Variants in CCDC30 observed in about 807,000 individuals in gnomAD.
The protein encoded by CCDC30 is coiled-coil domain containing 30, also known as coiled-coil domain-containing protein 30.
A neutral mutation model predicts 100.2 loss-of-function variants in CCDC30; 70 were observed. The observed-to-expected ratio is 0.70, with a 90% CI of 0.58 to 0.85. CCDC30 has a LOEUF of 0.85. CCDC30 is among the 40% of genes least tolerant of loss of function. CCDC30 has a pLI of 0.00. For synonymous variants in CCDC30, 233 were observed against 269.5 expected, an observed-to-expected ratio of 0.86 and a Z score of 1.33; for missense variants, 652 against 771.2, an observed-to-expected ratio of 0.85 and a Z score of 1.83.
At chr1:42,479,216 A>G (rs1643919124) in intron 1 of CCDC30, among the ~76,000 whole-genome samples, 2 of 152,158 alleles carry the variant, frequency 1.3e-5, no homozygotes, top group Admixed American at 6.5e-5. Context: ...TCTCTACTAA[A>G]AGTACAAAAA....
At chr1:42,475,862 G>A (rs1236940667) in intron 1 of CCDC30, among the ~76,000 whole-genome samples, 1 of 151,530 alleles carries the variant, frequency 6.6e-6, no homozygotes, top group African/African-American at 2.4e-5. Context: ...TTTAGGGGAG[G>A]CAAAACTTTA....
intron 11 of CCDC30, among the ~76,000 whole-genome samples, chr1:42,622,480 T>A (rs953843932): frequency 1.3e-5 from 2 of 152,220 alleles, no homozygotes; most frequent in African/African-American, 4.8e-5. Context: ...AAATATATGA[T>A]AGCTCAATGT....
intron 3 of CCDC30, 154 bp downstream of exon 3, chr1:42,482,970 A>G (rs190990853): frequency 2.0e-4 from 106 of 535,374 alleles, no homozygotes; most frequent in African/African-American, 1.8e-3. Context: ...CTACCATGCT[A>G]GGAATTTTTG....
chr1:42,524,304 TG>T lies in CCDC30; in HGVS notation c.456+25390del, dbSNP rs1451818049. On this transcript the variant is annotated intron_variant, in intron 6 of 16. Coordinates refer to ENST00000668663, the Ensembl canonical transcript of CCDC30. ...CCTGATGTATAAGCTTAAGGTCTTC[TG>T]GAGTCTTTTCTGAGTGTGTGCCTTT... 5.9e-5 allele frequency among the ~76,000 whole-genome samples: 9 copies of T among 152,330 alleles called. 1 individual carries two copies. The South Asian group carries it at 1.9e-3, about 32-fold the overall frequency.
chr1:42,565,298 GGTTA>G (rs1285551523), intron 6 of CCDC30, among the ~76,000 whole-genome samples: 12 of 152,002 alleles, frequency 7.9e-5, no homozygotes, highest in Non-Finnish European at 1.6e-4. Context: ...TCTGATAAGG[GGTTA>G]ATACCCAAAA....
rs6699792 is a variant in CCDC30 at position 42,507,574 on chromosome 1, A to C, written c.456+8658A>C. On this transcript the variant is annotated intron_variant, in intron 6 of 16. Transcript: ENST00000668663. The stretch of plus-strand genomic sequence containing the variant: ...TTCTTATAATCTCTTACTAAAAAAC[A>C]TATTTTACTGTTTTTACACACCTTG... Among the ~76,000 whole-genome samples, 356 of 152,352 alleles carry C rather than the reference A, an allele frequency of 2.3e-3. 2 individuals are homozygous for C. Among genetic ancestry groups the C allele is most frequent in the African/African-American group, 8.3e-3 (344 of 41,584 alleles).
At chr1:42,631,280 A>ACTCTTGTTCTCTTCC (rs920047187) in intron 11 of CCDC30, among the ~76,000 whole-genome samples, 2 of 152,014 alleles carry the variant, frequency 1.3e-5, no homozygotes, top group African/African-American at 4.8e-5. Context: ...CTAGGCAGAG[A>ACTCTTGTTCTCTTCC]CTCTTGTTCT....
At chr1:42,544,804 G>C (rs1645089209) in intron 6 of CCDC30, among the ~76,000 whole-genome samples, 1 of 152,124 alleles carries the variant, frequency 6.6e-6, no homozygotes, top group Admixed American at 6.5e-5. Context: ...ATTGCACCCG[G>C]CCAAGACTGC....
intron 6 of CCDC30, among the ~76,000 whole-genome samples, chr1:42,518,385 A>G (rs189306680): frequency 6.6e-6 from 1 of 152,288 alleles, no homozygotes; most frequent in East Asian, 1.9e-4. Context: ...GTTTCTATTT[A>G]TGAGATCATA....
At chr1:42,466,670 G>A (rs1229586394) in intron 1 of CCDC30, among the ~76,000 whole-genome samples, 3 of 151,702 alleles carry the variant, frequency 2.0e-5, no homozygotes, top group African/African-American at 7.3e-5. Flanking sequence ...TCCTGCCTCA[G>A]CCTCCTGGGT....
At chr1:42,569,474 A>C (rs1645685123) in intron 7 of CCDC30, among the ~76,000 whole-genome samples, 1 of 152,186 alleles carries the variant, frequency 6.6e-6, no homozygotes, top group East Asian at 1.9e-4. Context: ...AAGTCAGGAA[A>C]CAACAGATGC....
chr1:42,512,775 C>G lies in CCDC30; in HGVS notation c.456+13859C>G, dbSNP rs370596909. Among the ~76,000 whole-genome samples, 67 of 152,236 alleles carry G rather than the reference C, an allele frequency of 4.4e-4. 3 individuals are homozygous for G. In the South Asian group the frequency reaches 0.012, roughly 27 times the overall value. On this transcript the variant is annotated intron_variant, in intron 6 of 16. Transcript: ENST00000668663. The stretch of plus-strand genomic sequence containing the variant: ...AGTTGTTTCAGGACCTCACTCAGCC[C>G]CATGCGGTGGCTAGGCCCAACATGA...
chr1:42,461,797 G>A (rs1467653240), upstream of CCDC30, among the ~76,000 whole-genome samples: 1 of 151,956 alleles, frequency 6.6e-6, no homozygotes, highest in Non-Finnish European at 1.5e-5. Context: ...TGCCCGCCCC[G>A]GCCTTCCAAA....
intron 9 of CCDC30, among the ~76,000 whole-genome samples, chr1:42,585,496 T>G (rs1646049966): frequency 6.6e-6 from 1 of 152,144 alleles, no homozygotes; most frequent in African/African-American, 2.4e-5. Flanking sequence ...AATGAACTTT[T>G]GATTTCATTG....
At chr1:42,653,820 T>A (rs1222101772) in exon 17 of CCDC30, 2 of 1,613,098 alleles carry the variant, frequency 1.2e-6, no homozygotes, top group East Asian at 4.5e-5. Context: ...TTTCTTAGTT[T>A]TTCAGGAAAA....
upstream of CCDC30, among the ~76,000 whole-genome samples, chr1:42,461,476 C>T (rs1473406683): frequency 6.6e-6 from 1 of 152,104 alleles, no homozygotes; most frequent in Non-Finnish European, 1.5e-5. Context: ...GCTGAGACTA[C>T]AGGTGTGTGC....
chr1:42,596,693 T>C lies in CCDC30; in HGVS notation c.1164+7210T>C, dbSNP rs543289811. Among the ~76,000 whole-genome samples, 2 of 152,040 alleles carry C rather than the reference T, an allele frequency of 1.3e-5. No homozygotes were observed. Among genetic ancestry groups the C allele is most frequent in the African/African-American group, 4.8e-5 (2 of 41,476 alleles). ...GCAGTTTCCTCTACTCACTGCATCA[T>C]GTTTCGCTATCAAGAAAAAATTACA... On this transcript the variant is annotated intron_variant, in intron 10 of 16. Transcript: ENST00000668663. This position sits in a 1 kb window ranked among gnomAD's most constrained non-coding sequence, Gnocchi z 4.3.
intron 1 of CCDC30, among the ~76,000 whole-genome samples, chr1:42,478,650 T>G (rs1172683512): frequency 4.6e-5 from 7 of 152,044 alleles, no homozygotes; most frequent in Non-Finnish European, 8.8e-5. Flanking sequence ...TCTCAGTTAC[T>G]CGGGAGGCAG....
At chr1:42,520,083 T>A (rs1200151008) in intron 6 of CCDC30, among the ~76,000 whole-genome samples, 1 of 152,132 alleles carries the variant, frequency 6.6e-6, no homozygotes, top group African/African-American at 2.4e-5. Flanking sequence ...TTTTCTTGAT[T>A]GTTTTTCATT....
Sources: allele counts gnomAD v4.1 joint callset (sites outside exome capture counted in the v4.1 genomes callset), GRCh38; gene constraint gnomAD v4.1.1; non-coding constraint Gnocchi (gnomAD v3.1); transcripts MANE v1.5; gene names NCBI Gene and HGNC (gene_info 2026-07-23, HGNC 2026-07-21).